CMIP: variants seen among roughly 807,000 people sequenced by gnomAD.
CMIP encodes the protein c-Maf inducing protein.
A neutral mutation model predicts 97.3 loss-of-function variants in CMIP; 13 were observed. That is an observed-to-expected ratio of 0.13 (90% CI 0.09 to 0.21). The LOEUF (loss-of-function observed/expected upper bound fraction) is 0.21, where lower values mean the gene tolerates loss of function less well. CMIP is among the 10% of genes least tolerant of loss of function. CMIP has a pLI of 1.00. For missense variants in CMIP, 847 were observed against 1,024.9 expected, an observed-to-expected ratio of 0.83 and a Z score of 2.37; for synonymous variants, 538 against 436.3, an observed-to-expected ratio of 1.23 and a Z score of -2.91.
At chr16:81,543,418 A>G (rs907261345) in intron 1 of CMIP, among the ~76,000 whole-genome samples, 3 of 152,148 alleles carry the variant, frequency 2.0e-5, no homozygotes, top group African/African-American at 7.2e-5. Context: ...TGCGTTGGCT[A>G]GTGTCCCCAC....
At chr16:81,456,319 C>T (rs371389107) in intron 1 of CMIP, among the ~76,000 whole-genome samples, 5 of 152,184 alleles carry the variant, frequency 3.3e-5, no homozygotes, top group African/African-American at 1.2e-4. Context: ...TCATCAGCCC[C>T]GTGAGGCGTT....
At chr16:81,484,491 T>A (rs2089284606) in intron 1 of CMIP, among the ~76,000 whole-genome samples, 1 of 152,110 alleles carries the variant, frequency 6.6e-6, no homozygotes, top group Non-Finnish European at 1.5e-5. Flanking sequence ...TGGAGAACGA[T>A]CACCTGGCTG....
At chr16:81,647,081 A>G (rs953089719) in intron 3 of CMIP, among the ~76,000 whole-genome samples, 1 of 152,250 alleles carries the variant, frequency 6.6e-6, no homozygotes, top group Admixed American at 6.5e-5. Flanking sequence ...AGCAACACAC[A>G]AGATTCCCAG....
intron 1 of CMIP, among the ~76,000 whole-genome samples, chr16:81,470,487 T>G (rs1907456818): frequency 6.6e-6 from 1 of 152,138 alleles, no homozygotes; most frequent in Admixed American, 6.5e-5. Flanking sequence ...TTCCCTTGGG[T>G]TGTCTGGAGA....
intron 6 of CMIP, 119 bp downstream of exon 6, chr16:81,661,065 G>A (rs1436423718): frequency 8.2e-7 from 1 of 1,224,946 alleles, no homozygotes; most frequent in Non-Finnish European, 1.2e-6. Flanking sequence ...TTGGGTCACG[G>A]TCCCAGACAC....
Position 81,588,391 on chromosome 16 carries a change from A to G in CMIP, c.301-19176A>G, listed in dbSNP as rs893393031. ...TTGTCCCTTCCAGTTGATTCTCTGAAGGCAGAAGTTTTCTCTTTAAATCTG... is the reference window on the plus strand; with the variant it reads ...TTGTCCCTTCCAGTTGATTCTCTGAGGGCAGAAGTTTTCTCTTTAAATCTG... On this transcript the variant is annotated intron_variant, in intron 1 of 20. Transcript: ENST00000537098. Among the ~76,000 whole-genome samples, 6 of 152,106 alleles carry G rather than the reference A, an allele frequency of 3.9e-5. No homozygotes were observed. In the East Asian group the frequency reaches 1.2e-3, roughly 29 times the overall value.
chr16:81,467,379 C>T (rs1198850552), intron 1 of CMIP, among the ~76,000 whole-genome samples: 2 of 152,124 alleles, frequency 1.3e-5, no homozygotes, highest in African/African-American at 2.4e-5. Flanking sequence ...CCCCCAGCAG[C>T]GGTGCCTCTC....
intron 1 of CMIP, among the ~76,000 whole-genome samples, chr16:81,462,937 T>C (rs775561406): frequency 1.3e-5 from 2 of 152,162 alleles, no homozygotes; most frequent in African/African-American, 2.4e-5. Context: ...GATTAAAGAA[T>C]ACTAAGCATG....
intron 1 of CMIP, among the ~76,000 whole-genome samples, chr16:81,468,393 T>C (rs1344419869): frequency 1.3e-5 from 2 of 152,248 alleles, no homozygotes; most frequent in African/African-American, 2.4e-5. Flanking sequence ...CCCATCTGCA[T>C]GAGTGTCCCT....
At chr16:81,516,011 C>T (rs1011751790) in intron 1 of CMIP, among the ~76,000 whole-genome samples, 5 of 152,204 alleles carry the variant, frequency 3.3e-5, no homozygotes, top group Non-Finnish European at 5.9e-5. Flanking sequence ...CTGCCACCTC[C>T]CCTGTGTCTC....
At chr16:81,625,429 G>T (rs1184203613) in intron 3 of CMIP, among the ~76,000 whole-genome samples, 1 of 152,276 alleles carries the variant, frequency 6.6e-6, no homozygotes, top group Non-Finnish European at 1.5e-5. Context: ...CCTGGCTCAT[G>T]CCCTGGCCCT....
chr16:81,451,446 C>T (rs1438589002), intron 1 of CMIP, among the ~76,000 whole-genome samples: 1 of 152,214 alleles, frequency 6.6e-6, no homozygotes. Flanking sequence ...TCTTTATCAG[C>T]AGCGTGGGAA....
intron 1 of CMIP, among the ~76,000 whole-genome samples, chr16:81,604,921 C>T (rs2091717433): frequency 6.6e-6 from 1 of 152,118 alleles, no homozygotes; most frequent in Non-Finnish European, 1.5e-5. Context: ...ATTAATTTGT[C>T]AGGAAATTAG....
chr16:81,522,975 G>A (rs1041404051), intron 1 of CMIP, among the ~76,000 whole-genome samples: 16 of 151,698 alleles, frequency 1.1e-4, no homozygotes, highest in African/African-American at 3.6e-4. Context: ...CACCCAGGCC[G>A]GAGTGCAGTG....
In CMIP at chr16:81,445,224, C is replaced by T; in HGVS notation, c.-18C>T. ...CAGCCCCCTCTCCCCGCCCCCAGCC[C>T]CCTCCCCCGGCGCGGCCATGGATGT... is the stretch of plus-strand genomic sequence containing the variant. On this transcript the variant is annotated 5_prime_UTR_variant, in exon 1 of 21. Transcript: ENST00000537098. 3 of 1,500,958 alleles carry T rather than the reference C, an allele frequency of 2.0e-6. No individual in the cohort carries two copies. Among genetic ancestry groups the T allele is most frequent in the Non-Finnish European group, 8.9e-7 (1 of 1,128,116 alleles). The allele number at this position is 1,500,958 out of a possible 1,614,324, so 93.0% of individuals were successfully genotyped here. A position where few individuals can be genotyped will look rare whatever the true frequency, so the allele number is the denominator to read the frequency against.
chr16:81,458,044 G>T (rs1906670467), intron 1 of CMIP, among the ~76,000 whole-genome samples: 1 of 152,232 alleles, frequency 6.6e-6, no homozygotes, highest in Admixed American at 6.5e-5. Flanking sequence ...TAAGAGAGAG[G>T]GGGAGAAATT....
intron 1 of CMIP, among the ~76,000 whole-genome samples, chr16:81,516,219 T>C (rs2089910405): frequency 6.6e-6 from 1 of 152,188 alleles, no homozygotes; most frequent in African/African-American, 2.4e-5. Flanking sequence ...TGGCCCCAGC[T>C]TTGGGGTGGT....
intron 7 of CMIP, chr16:81,665,312 A>G (rs934767512): frequency 1.3e-5 from 2 of 152,206 alleles, no homozygotes; most frequent in African/African-American, 4.8e-5. Flanking sequence ...TAGGTCCACT[A>G]AGTGGCCACA....
In CMIP at chr16:81,620,857, C is replaced by T. The variant is rs373749835; in HGVS notation, c.427-19C>T. On this transcript the variant is annotated intron_variant, in intron 2 of 20. Coordinates refer to ENST00000537098, the MANE Select transcript of CMIP (RefSeq NM_198390.3). ...CAAGCTGATGACCGGACCTTGCTGT[C>T]CTGTTCTTGTCGTTACAGGCTGCCA... is the stretch of plus-strand genomic sequence containing the variant. The T allele has an allele frequency of 6.1e-5, 99 of 1,613,824 alleles. No individual in the cohort carries two copies. Among genetic ancestry groups the T allele is most frequent in the Non-Finnish European group, 8.3e-5 (98 of 1,179,866 alleles).
Sources: gnomAD v4.1 joint callset for allele counts (sites outside exome capture counted in the v4.1 genomes callset) on GRCh38, gnomAD v4.1.1 for gene constraint, MANE v1.5 for transcripts, NCBI Gene and HGNC (gene_info 2026-07-23, HGNC 2026-07-21) for gene names.